The following WDR12 variants were observed in gnomAD, a reference collection of about 807,000 sequenced individuals.
WDR12 encodes WD repeat domain 12.
WDR12 carries 42 observed loss-of-function variants against 64.3 expected under a neutral mutation model. The ratio of observed to expected loss-of-function variants is 0.65; its 90% confidence interval spans 0.51 to 0.84. The LOEUF is 0.84. Among genes scored for constraint, WDR12 ranks in the 40% least tolerant of loss-of-function variants. The pLI, the probability that WDR12 is intolerant of heterozygous loss-of-function variation, is 0.00. For synonymous variants in WDR12, 158 were observed against 173.3 expected (o/e 0.91, Z 0.70); for missense variants, 469 against 494.6 (o/e 0.95, Z 0.49).
At chr2:202,886,511 G>A (rs1318014400) in intron 8 of WDR12, among the ~76,000 whole-genome samples, 5 of 143,236 alleles carry the variant, frequency 3.5e-5, no homozygotes, top group Admixed American at 6.9e-5. Flanking sequence ...GCTCACACCC[G>A]TAATCCCAGA....
In WDR12 at chr2:202,907,808, T is replaced by C; in HGVS notation, c.136+57A>G. ...AAGGCCAAAAAAGGAACTAAAAACTTAATGCATTTTAGAATAATTAGGGAC... is the reference window on the plus strand; with the variant it reads ...AAGGCCAAAAAAGGAACTAAAAACTCAATGCATTTTAGAATAATTAGGGAC... On this transcript the variant is annotated intron_variant, in intron 2 of 12. Coordinates refer to ENST00000261015, the MANE Select transcript of WDR12 (RefSeq NM_018256.4). The C allele has an allele frequency of 2.9e-6, 4 of 1,399,488 alleles. No individual in the cohort carries two copies. The South Asian group carries it at 3.6e-5, about 13-fold the overall frequency. The allele number at this position is 1,399,488 out of a possible 1,614,324, so 86.7% of individuals were successfully genotyped here.
intron 6 of WDR12, among the ~76,000 whole-genome samples, chr2:202,895,657 G>A (rs1303741017): frequency 1.3e-5 from 2 of 150,054 alleles, no homozygotes; most frequent in Non-Finnish European, 3.0e-5. Context: ...CGAGTAGCTG[G>A]GATTACAGGC....
chr2:202,897,905 A>ATTT, intron 4 of WDR12, among the ~76,000 whole-genome samples: 1 of 52,334 alleles, frequency 1.9e-5, no homozygotes, highest in African/African-American at 5.9e-5. Context: ...AAAAAAAAAA[A>ATTT]AAAATATATA....
At chr2:202,887,306 C>G (rs62183730) in intron 8 of WDR12, among the ~76,000 whole-genome samples, 136,268 of 151,834 alleles carry the variant, frequency 0.9, 61,640 homozygotes, top group Non-Finnish European at 0.95. Context: ...TTACAGGTGC[C>G]CCACTGCACT....
rs556080562 is a variant in WDR12, at chr2:202,909,696, T to TTG, written c.41+1738_42-1738dup. Among the ~76,000 whole-genome samples the TTG allele has an allele frequency of 6.4e-3, 972 of 152,012 alleles. 12 individuals carry two copies. The highest frequency in any genetic ancestry group is 0.01 in the South Asian group (50 of 4,812). ...ATATAATTCACATATATGTATATTC[T>TTG]TGTGTGTGTGTGTGACAATTATATT... On this transcript the variant is annotated intron_variant, in intron 1 of 12. Transcript: ENST00000261015.
chr2:202,911,332 G>A, intron 1 of WDR12, 104 bp downstream of exon 1: 1 of 1,115,600 alleles, frequency 9.0e-7, no homozygotes, highest in Non-Finnish European at 1.4e-6. Context: ...CAGAAAAAAG[G>A]GTGGGGGTGA....
At chr2:202,909,453 T>C (rs1688523883) in intron 1 of WDR12, among the ~76,000 whole-genome samples, 1 of 152,176 alleles carries the variant, frequency 6.6e-6, no homozygotes, top group South Asian at 2.1e-4. Flanking sequence ...CATTATATAA[T>C]TCCATTTATT....
chr2:202,900,101 G>A (rs1448097142), intron 3 of WDR12, among the ~76,000 whole-genome samples: 3 of 152,146 alleles, frequency 2.0e-5, no homozygotes, highest in Non-Finnish European at 4.4e-5. Flanking sequence ...AGGCCGAGAC[G>A]GGTGGATCAC....
At chr2:202,907,806 C>T (rs1355600918) in intron 2 of WDR12, 59 bp downstream of exon 2, 2 of 1,395,944 alleles carry the variant, frequency 1.4e-6, no homozygotes, top group East Asian at 2.3e-5. Flanking sequence ...GAACTAAAAA[C>T]TTAATGCATT....
chr2:202,907,372 A>C (rs541074465), intron 2 of WDR12, among the ~76,000 whole-genome samples: 1 of 152,230 alleles, frequency 6.6e-6, no homozygotes, highest in South Asian at 2.1e-4. Context: ...ATATTCTTCC[A>C]TGTTTTGTTA....
At chr2:202,894,679 T>A in intron 6 of WDR12, 53 bp from the exon 7 acceptor site, 3 of 1,474,720 alleles carry the variant, frequency 2.0e-6, no homozygotes, top group Non-Finnish European at 1.9e-6. Flanking sequence ...TTCATATTAT[T>A]TGCCTACAAC....
At chr2:202,894,861 A>C in intron 6 of WDR12, 1 of 380,134 alleles carries the variant, frequency 2.6e-6, no homozygotes, top group Non-Finnish European at 4.7e-6. Flanking sequence ...GAGAGAATAA[A>C]GTCAACTTGA....
At chr2:202,903,508 G>T (rs554619516) in intron 2 of WDR12, among the ~76,000 whole-genome samples, 24 of 145,750 alleles carry the variant, frequency 1.6e-4, no homozygotes, top group African/African-American at 5.9e-4. Flanking sequence ...AGGAAGTGAG[G>T]GAGGGAGGGA....
Position 202,896,059 on chromosome 2 carries a change from A to C in WDR12, c.609+6T>G, listed in dbSNP as rs1260718248. ...ACAGAGTACTAATAATATTCTAGCT[A>C]CTTACTTTAGTTCCTGAGCCATCAA... is the stretch of plus-strand genomic sequence containing the variant. On this transcript the variant is annotated splice_donor_region_variant and intron_variant, in intron 6 of 12. Transcript: ENST00000261015. 3 of 1,609,566 alleles carry C rather than the reference A, an allele frequency of 1.9e-6. No individual in the cohort carries two copies. In the East Asian group the frequency reaches 6.7e-5, roughly 36 times the overall value.
rs1191471036 is a variant in WDR12 at position 202,876,524 on chromosome 2, T to G, written c.*4336A>C. 1 of 152,258 alleles carries G rather than the reference T, an allele frequency of 6.6e-6. No individual in the cohort carries two copies. Among genetic ancestry groups the G allele is most frequent in the African/African-American group, 2.4e-5 (1 of 41,476 alleles). 9.4% of individuals were successfully genotyped at this position (152,258 alleles called of 1,614,324 possible). On this transcript the variant is annotated 3_prime_UTR_variant, in exon 13 of 13. Coordinates refer to ENST00000261015, the MANE Select transcript of WDR12 (RefSeq NM_018256.4). The stretch of plus-strand genomic sequence containing the variant: ...TGGATTTCACTTGCCTAATGAAATC[T>G]GATTCTAATTAGTGGCTTTTTAAAT...
intron 2 of WDR12, among the ~76,000 whole-genome samples, chr2:202,903,449 AAGGAAGGAAGGAAGGAAGG>A (rs1688387997): frequency 2.0e-4 from 1 of 5,012 alleles, no homozygotes; most frequent in Non-Finnish European, 4.4e-3. Context: ...AATCAGATGG[AAGGAAGGAAGGAAGGAAGG>A]AAGGAAGGAA....
intron 1 of WDR12, among the ~76,000 whole-genome samples, chr2:202,908,496 T>C (rs1217921176): frequency 6.6e-6 from 1 of 151,974 alleles, no homozygotes; most frequent in African/African-American, 2.4e-5. Context: ...GAGGGAAGGG[T>C]AGGCTGGAAG....
intron 4 of WDR12, among the ~76,000 whole-genome samples, chr2:202,899,032 GTTTTTTTTTTTTT>G (rs779419072): frequency 2.7e-5 from 2 of 73,652 alleles, no homozygotes; most frequent in Non-Finnish European, 4.9e-5. Flanking sequence ...AATACCTGTG[GTTTTTTTTTTTTT>G]TTTTTTTTTT....
In WDR12 at chr2:202,880,813, A is replaced by G; in HGVS notation, c.*47T>C. 2 of 1,548,274 alleles carry G rather than the reference A, an allele frequency of 1.3e-6. No individual in the cohort carries two copies. The highest frequency in any genetic ancestry group is 1.2e-5 in the South Asian group (1 of 83,732). On this transcript the variant is annotated 3_prime_UTR_variant, in exon 13 of 13. Transcript: ENST00000261015. ...CTATGTAATTTCATGGTTCTCTACC[A>G]ATTTCATTTACAGAAATAATCTCTA...
Sources: allele counts gnomAD v4.1 joint callset (sites outside exome capture counted in the v4.1 genomes callset), GRCh38; gene constraint gnomAD v4.1.1; transcripts MANE v1.5; gene names NCBI Gene and HGNC (gene_info 2026-07-23, HGNC 2026-07-21).